The following RTN3 variants were observed in gnomAD, a reference collection of about 807,000 sequenced individuals.
RTN3 encodes the protein reticulon-3.
In RTN3, 49 loss-of-function variants were observed where a neutral mutation model predicts 77.8. The observed-to-expected ratio is 0.63, with a 90% CI of 0.50 to 0.80. RTN3 has a LOEUF of 0.80. Ranked by LOEUF, RTN3 falls within the 30% of genes least tolerant of loss-of-function variation. The pLI is 0.00. For missense variants in RTN3, 1,236 were observed against 1,211.9 expected (o/e 1.02, Z -0.29); for synonymous variants, 464 against 446.9 (o/e 1.04, Z -0.48).
At chr11:63,757,800 G>C (rs1451917566) in intron 8 of RTN3, among the ~76,000 whole-genome samples, 1 of 147,236 alleles carries the variant, frequency 6.8e-6, no homozygotes, top group Admixed American at 7.0e-5. Flanking sequence ...GCTCACTGCA[G>C]CCTCCACCTC....
rs1407968145 is a variant in RTN3, at chr11:63,705,718, T to C, written c.199+811T>C. Reference sequence around the variant, plus strand: ...CTAGTTCCAAATTGCCTACAAACATTGAACAAGTCAGTTATGTGACTTTTG... The same window carrying C: ...CTAGTTCCAAATTGCCTACAAACATCGAACAAGTCAGTTATGTGACTTTTG... On this transcript the variant is annotated intron_variant, in intron 2 of 8. Transcript: ENST00000377819. Among the ~76,000 whole-genome samples the C allele has an allele frequency of 2.0e-5, 3 of 152,192 alleles. No individual in the cohort carries two copies. In the South Asian group the frequency reaches 6.2e-4, roughly 31 times the overall value.
At chr11:63,725,352 A>C (rs1239744961) in intron 3 of RTN3, among the ~76,000 whole-genome samples, 1 of 151,888 alleles carries the variant, frequency 6.6e-6, no homozygotes, top group Admixed American at 6.6e-5. Context: ...CATTATATGA[A>C]TATATTATTT....
chr11:63,684,037 C>T lies in RTN3; in HGVS notation c.142+2259C>T, dbSNP rs564129883. 2.1e-5 allele frequency among the ~76,000 whole-genome samples: 3 copies of T among 142,474 alleles called. No homozygotes were observed. In the South Asian group the frequency reaches 6.7e-4, roughly 32 times the overall value. The allele number at this position is 142,474 out of a possible 152,430, so 93.5% of individuals were successfully genotyped here. ...AGCCATCTTGGCTCACTGCAACCTC[C>T]ATCTCCGGGGTTCAAATGATTCTCA... On this transcript the variant is annotated intron_variant, in intron 1 of 8. Coordinates refer to ENST00000377819, the MANE Select transcript of RTN3 (RefSeq NM_001265589.2).
At chr11:63,684,134 T>TTTTTTTTTTTTG (rs1941233165) in intron 1 of RTN3, among the ~76,000 whole-genome samples, 1 of 11,304 alleles carries the variant, frequency 8.8e-5, no homozygotes, top group Non-Finnish European at 4.3e-4. Flanking sequence ...TTTTGGTTTT[T>TTTTTTTTTTTTG]TTTTTTTTTT....
intron 3 of RTN3, among the ~76,000 whole-genome samples, chr11:63,748,342 G>T (rs1234948201): frequency 1.3e-5 from 2 of 149,432 alleles, no homozygotes; most frequent in African/African-American, 4.9e-5. Flanking sequence ...TATTAATAGT[G>T]CCCCACTCAC....
intron 3 of RTN3, among the ~76,000 whole-genome samples, chr11:63,729,764 T>G (rs1211514772): frequency 6.6e-6 from 1 of 151,084 alleles, no homozygotes; most frequent in African/African-American, 2.4e-5. Flanking sequence ...CCAGCCTGTT[T>G]CTACATTTTT....
Position 63,681,697 on chromosome 11 carries a change from G to A in RTN3, c.61G>A (p.Glu21Lys), listed in dbSNP as rs931472161. Residue 21 changes from glutamate (E) to lysine (K), a missense_variant, in exon 1 of 9, where the codon GAG becomes AAG. By Grantham distance (56) the Glu-to-Lys change is moderately conservative. Transcript: ENST00000377819. Reference protein sequence around the residue: ...HSISSSSFGAEPSAPGGGGSP... With the variant: ...HSISSSSFGAKPSAPGGGGSP... ...CATCTCCTCGTCGTCCTTCGGAGCC[G>A]AGCCGTCCGCGCCCGGCGGCGGCGG... The A allele has an allele frequency of 3.7e-6, 6 of 1,611,100 alleles. No homozygotes were observed. Among genetic ancestry groups the A allele is most frequent in the Middle Eastern group, 1.6e-4 (1 of 6,068 alleles).
At chr11:63,688,624 G>T (rs1431391757) in intron 1 of RTN3, among the ~76,000 whole-genome samples, 1 of 152,120 alleles carries the variant, frequency 6.6e-6, no homozygotes, top group African/African-American at 2.4e-5. Flanking sequence ...TTTAGTAGGT[G>T]CACCCTTACC....
At chr11:63,682,395 C>G (rs1941107771) in intron 1 of RTN3, among the ~76,000 whole-genome samples, 1 of 151,928 alleles carries the variant, frequency 6.6e-6, no homozygotes, top group African/African-American at 2.4e-5. Flanking sequence ...TTCTGAGGCT[C>G]CGAGGTAGAA....
At chr11:63,685,181 A>G (rs1326885077) in intron 1 of RTN3, among the ~76,000 whole-genome samples, 2 of 152,104 alleles carry the variant, frequency 1.3e-5, no homozygotes, top group Admixed American at 6.6e-5. Flanking sequence ...CTACTTGAAC[A>G]TAAAAGTTTA....
At chr11:63,732,176 G>A (rs2012740955) in intron 3 of RTN3, among the ~76,000 whole-genome samples, 1 of 151,408 alleles carries the variant, frequency 6.6e-6, no homozygotes. Context: ...TTATTTTTTT[G>A]GAAACAGGGT....
intron 1 of RTN3, among the ~76,000 whole-genome samples, chr11:63,702,298 T>TTTTG (rs1942275943): frequency 6.6e-6 from 1 of 151,316 alleles, no homozygotes; most frequent in Non-Finnish European, 1.5e-5. Context: ...TTGGTTTTGG[T>TTTTG]TTTTTTTGTT....
chr11:63,698,067 T>C (rs963370418), intron 1 of RTN3, among the ~76,000 whole-genome samples: 3 of 151,916 alleles, frequency 2.0e-5, no homozygotes, highest in African/African-American at 7.2e-5. Flanking sequence ...GTCTGTTCCC[T>C]CCCCCTCTAC....
intron 2 of RTN3, 147 bp from the exon 3 acceptor site, chr11:63,718,555 A>G: frequency 2.1e-6 from 1 of 469,750 alleles, no homozygotes; most frequent in South Asian, 6.5e-5. Context: ...TCGTTTTGTT[A>G]CATATTTATG....
intron 1 of RTN3, among the ~76,000 whole-genome samples, chr11:63,690,609 G>T (rs1209842100): frequency 1.3e-5 from 2 of 152,148 alleles, no homozygotes; most frequent in Non-Finnish European, 2.9e-5. Context: ...AAGTGGCTCA[G>T]TTACCCTTTT....
At chr11:63,745,292 A>T (rs934736276) in intron 3 of RTN3, among the ~76,000 whole-genome samples, 1 of 152,362 alleles carries the variant, frequency 6.6e-6, no homozygotes, top group South Asian at 2.1e-4. Flanking sequence ...ATTAGGAAAC[A>T]AATGGTTTTG....
At chr11:63,682,254 T>C (rs1941098546) in intron 1 of RTN3, among the ~76,000 whole-genome samples, 2 of 152,228 alleles carry the variant, frequency 1.3e-5, no homozygotes, top group Non-Finnish European at 1.5e-5. Context: ...GCATTCATGA[T>C]AGTCCTCCAA....
chr11:63,720,648 G>C lies in RTN3; in HGVS notation c.2146G>C (p.Glu716Gln). ...IGSKYSEQSK[E>Q]TNGSEPLGVF... ...AAGCAAATACAGTGAACAAAGCAAA[G>C]AAACAAATGGAAGTGAGCCTCTAGG... is the stretch of plus-strand genomic sequence containing the variant. The change falls in exon 3 of 9, where the codon GAA (glutamate) becomes CAA (glutamine). Residue 716 changes from glutamate (E) to glutamine (Q), a missense_variant. Around this residue, in one of 3 missense-constraint regions of RTN3, gnomAD observed 1,056 missense variants for 990.4 expected, o/e 1.07. Transcript: ENST00000377819. 6.2e-7 allele frequency: 1 copy of C among 1,614,000 alleles called. No individual in the cohort carries two copies. The highest frequency in any genetic ancestry group is 8.5e-7 in the Non-Finnish European group (1 of 1,179,988).
intron 3 of RTN3, among the ~76,000 whole-genome samples, chr11:63,723,416 CTTT>C (rs747766171): frequency 7.3e-6 from 1 of 136,268 alleles, no homozygotes; most frequent in Admixed American, 7.4e-5. Context: ...ATTTATTTAT[CTTT>C]TTTTTTTTTT....
Sources: gnomAD v4.1 joint callset for allele counts (sites outside exome capture counted in the v4.1 genomes callset) on GRCh38, gnomAD v4.1.1 for gene constraint, gnomAD v4.1.1 regional missense constraint, MANE v1.5 for transcripts, NCBI Gene and HGNC (gene_info 2026-07-23, HGNC 2026-07-21) for gene names.